Variants in SERINC1 observed in about 807,000 individuals in gnomAD.
The protein encoded by SERINC1 is tumor differentially expressed protein 2.
Under a neutral mutation model 52.9 loss-of-function variants are expected in SERINC1, and 38 were observed. That is an observed-to-expected ratio of 0.72 (90% CI 0.55 to 0.94). The LOEUF is 0.94. Ranked by LOEUF, SERINC1 falls within the 40% of genes least tolerant of loss-of-function variation. SERINC1 has a pLI of 0.00. For missense variants in SERINC1, 471 were observed against 533.9 expected, an observed-to-expected ratio of 0.88 and a Z score of 1.16; for synonymous variants, 198 against 183.1, an observed-to-expected ratio of 1.08 and a Z score of -0.66.
intron 5 of SERINC1, among the ~76,000 whole-genome samples, 193 bp from the exon 6 acceptor site, chr6:122,452,250 G>T (rs1237078971): frequency 6.6e-6 from 1 of 152,120 alleles, no homozygotes; most frequent in East Asian, 1.9e-4. Context: ...AAGAATTCTA[G>T]TTTTTACACA....
At chr6:122,449,051 T>A (rs1327813266) in intron 7 of SERINC1, among the ~76,000 whole-genome samples, 1 of 152,202 alleles carries the variant, frequency 6.6e-6, no homozygotes, top group Non-Finnish European at 1.5e-5. Context: ...CACACCCATA[T>A]AAGATGGTGA....
chr6:122,471,650 T>C, intron 1 of SERINC1, 49 bp downstream of exon 1: 1 of 1,613,420 alleles, frequency 6.2e-7, no homozygotes, highest in Non-Finnish European at 8.5e-7. Flanking sequence ...GATCGCCTTC[T>C]CTTTGGTCTC....
In SERINC1 at chr6:122,451,711, G is replaced by T; in HGVS notation, c.803C>A (p.Thr268Lys). The T allele has an allele frequency of 2.9e-6, 3 of 1,043,558 alleles. No individual in the cohort carries two copies. Among genetic ancestry groups the T allele is most frequent in the Non-Finnish European group, 3.8e-6 (3 of 799,168 alleles). 64.6% of individuals were successfully genotyped at this position (1,043,558 alleles called of 1,614,324 possible). The change falls in exon 7 of 10, where the codon ACA (threonine) becomes AAA (lysine). Residue 268 changes from threonine (T) to lysine (K), a missense_variant. Physicochemically the swap from Thr to Lys is moderately conservative, Grantham distance 78. Coordinates refer to ENST00000339697, the MANE Select transcript of SERINC1 (RefSeq NM_020755.4). ...CCATGTCAAATACATTGTGTAGACTGTAATTACTGAAGACTGTAACAAACC... is the reference window on the plus strand; with the variant it reads ...CCATGTCAAATACATTGTGTAGACTTTAATTACTGAAGACTGTAACAAACC... Reference protein sequence around the residue: ...RSGLLQSSVITVYTMYLTWSA... With the variant: ...RSGLLQSSVIKVYTMYLTWSA...
chr6:122,451,134 G>T (rs1166473127), intron 7 of SERINC1, among the ~76,000 whole-genome samples: 1 of 152,082 alleles, frequency 6.6e-6, no homozygotes, highest in Admixed American at 6.5e-5. Flanking sequence ...CTTCATTGTG[G>T]TCTTAGTTTA....
chr6:122,466,610 AG>A (rs1293338031), intron 1 of SERINC1, among the ~76,000 whole-genome samples: 6 of 152,188 alleles, frequency 3.9e-5, no homozygotes, highest in Non-Finnish European at 8.8e-5. Context: ...CTAAGATTAT[AG>A]GTGTGAGCAC....
intron 7 of SERINC1, among the ~76,000 whole-genome samples, chr6:122,450,148 G>A (rs1010302779): frequency 1.3e-5 from 2 of 152,152 alleles, no homozygotes; most frequent in Non-Finnish European, 2.9e-5. Context: ...TCAATGCCTG[G>A]CTTCAAAGCT....
At chr6:122,470,857 CCTA>C in intron 1 of SERINC1, among the ~76,000 whole-genome samples, 1 of 151,900 alleles carries the variant, frequency 6.6e-6, no homozygotes, top group Non-Finnish European at 1.5e-5. Context: ...CAATGTTTTG[CCTA>C]CTATTTTGGA....
At chr6:122,452,279 A>C (rs1774923521) in intron 5 of SERINC1, among the ~76,000 whole-genome samples, 1 of 152,200 alleles carries the variant, frequency 6.6e-6, no homozygotes, top group South Asian at 2.1e-4. Flanking sequence ...ATGTATTTGC[A>C]AGGATGGCAA....
intron 7 of SERINC1, among the ~76,000 whole-genome samples, chr6:122,450,466 C>A (rs914605535): frequency 6.6e-6 from 1 of 152,232 alleles, no homozygotes; most frequent in East Asian, 1.9e-4. Context: ...TTAATATTTT[C>A]ATGTCTGCTA....
At chr6:122,450,967 T>C (rs1297950405) in intron 7 of SERINC1, among the ~76,000 whole-genome samples, 1 of 152,184 alleles carries the variant, frequency 6.6e-6, no homozygotes, top group Non-Finnish European at 1.5e-5. Context: ...GCAAAGGAGT[T>C]AGAATATTAC....
Position 122,445,021 on chromosome 6 carries a change from G to A in SERINC1, c.*23C>T. On this transcript the variant is annotated 3_prime_UTR_variant, in exon 10 of 10. Coordinates refer to ENST00000339697, the MANE Select transcript of SERINC1 (RefSeq NM_020755.4). ...TTCAAATAAGCAATAATCAAAGTGGGACTTTCATGCTAGAAGTCTCACTCA... is the reference window on the plus strand; with the variant it reads ...TTCAAATAAGCAATAATCAAAGTGGAACTTTCATGCTAGAAGTCTCACTCA... 1 of 1,601,658 alleles carries A rather than the reference G, an allele frequency of 6.2e-7. No individual in the cohort carries two copies. Among genetic ancestry groups the A allele is most frequent in the Non-Finnish European group, 8.5e-7 (1 of 1,174,790 alleles).
intron 1 of SERINC1, among the ~76,000 whole-genome samples, chr6:122,459,116 G>A (rs1230428019): frequency 6.6e-6 from 1 of 152,120 alleles, no homozygotes; most frequent in Non-Finnish European, 1.5e-5. Flanking sequence ...GGAAAAAAAA[G>A]TGAATTGATA....
At chr6:122,455,716 G>A (rs1774981250) in intron 3 of SERINC1, among the ~76,000 whole-genome samples, 1 of 152,074 alleles carries the variant, frequency 6.6e-6, no homozygotes, top group African/African-American at 2.4e-5. Context: ...TGAGAAAGAT[G>A]TATTTCTCAC....
Position 122,451,927 on chromosome 6 carries a change from G to A in SERINC1, c.720C>T (p.Cys240=), listed in dbSNP as rs1318429072. The part of the protein sequence containing the change: ...KAFISVNMLL[C]VGASVMSILP... ...GTATAGACATTACAGAAGCACCAAC[G>A]CAGAGGAGCATGTTGACACTGATGA... is the stretch of plus-strand genomic sequence containing the variant. Residue 240 remains cysteine, a synonymous_variant, in exon 6 of 10, where the codon TGC becomes TGT. Transcript: ENST00000339697. 3.1e-6 allele frequency: 5 copies of A among 1,595,132 alleles called. No homozygotes were observed. The highest frequency in any genetic ancestry group is 3.5e-5 in the Admixed American group (2 of 56,748).
Position 122,470,786 on chromosome 6 carries a change from A to G in SERINC1, c.39+913T>C, listed in dbSNP as rs914288995. 2.6e-5 allele frequency among the ~76,000 whole-genome samples: 4 copies of G among 152,110 alleles called. No homozygotes were observed. In the East Asian group the frequency reaches 7.7e-4, roughly 29 times the overall value. ...GAATTAACAAATTCCAGACTAAAGAAAAGTGATTTGAGTCCAAATACCTCG... is the reference window on the plus strand; with the variant it reads ...GAATTAACAAATTCCAGACTAAAGAGAAGTGATTTGAGTCCAAATACCTCG... On this transcript the variant is annotated intron_variant, in intron 1 of 9. Transcript: ENST00000339697.
At chr6:122,450,660 C>T (rs9375137) in intron 7 of SERINC1, among the ~76,000 whole-genome samples, 19,541 of 151,986 alleles carry the variant, frequency 0.13, 1,380 homozygotes, top group East Asian at 0.21. Context: ...CTATTAAGAA[C>T]ATTCATGATT....
intron 1 of SERINC1, among the ~76,000 whole-genome samples, chr6:122,469,930 G>A (rs1775247641): frequency 6.6e-6 from 1 of 152,198 alleles, no homozygotes; most frequent in Non-Finnish European, 1.5e-5. Flanking sequence ...CACATTAACT[G>A]TTAAGAATGT....
At chr6:122,462,355 G>T (rs908286237) in intron 1 of SERINC1, among the ~76,000 whole-genome samples, 1 of 152,094 alleles carries the variant, frequency 6.6e-6, no homozygotes, top group Non-Finnish European at 1.5e-5. Flanking sequence ...ACTTCACACT[G>T]GAGGTCCCAG....
chr6:122,468,406 G>A (rs759043284), intron 1 of SERINC1, among the ~76,000 whole-genome samples: 30 of 152,172 alleles, frequency 2.0e-4, no homozygotes, highest in Non-Finnish European at 3.2e-4. Context: ...AATGAAAAAT[G>A]TCTGCAGATA....
Sources: allele counts gnomAD v4.1 joint callset (sites outside exome capture counted in the v4.1 genomes callset), GRCh38; gene constraint gnomAD v4.1.1; transcripts MANE v1.5; gene names NCBI Gene and HGNC (gene_info 2026-07-23, HGNC 2026-07-21).